The following SHANK2 variants were observed in gnomAD, a reference collection of about 807,000 sequenced individuals.
SHANK2 encodes the protein SH3 and multiple ankyrin repeat domains protein 2.
SHANK2 carries 43 observed loss-of-function variants against 133.7 expected under a neutral mutation model. The observed-to-expected ratio is 0.32, with a 90% confidence interval of 0.25 to 0.41. The LOEUF (loss-of-function observed/expected upper bound fraction) is 0.41, where lower values mean the gene tolerates loss of function less well. Ranked by LOEUF, SHANK2 falls within the 10% of genes least tolerant of loss-of-function variation. The pLI is 1.00. For synonymous variants in SHANK2, 1,017 were observed against 952.8 expected (o/e 1.07, Z -1.24); for missense variants, 1,994 against 2,235.8 (o/e 0.89, Z 2.18).
At chr11:70,537,383 T>A (rs2059558557) in intron 17 of SHANK2, among the ~76,000 whole-genome samples, 1 of 152,230 alleles carries the variant, frequency 6.6e-6, no homozygotes, top group African/African-American at 2.4e-5. Context: ...ACCCGGGATT[T>A]ATGGTGGTTT....
At chr11:70,674,049 A>T (rs183173191) in intron 15 of SHANK2, among the ~76,000 whole-genome samples, 44 of 152,108 alleles carry the variant, frequency 2.9e-4, no homozygotes, top group African/African-American at 1.0e-3. Context: ...GGGCTGAGAG[A>T]GTTCTTACTC....
intron 14 of SHANK2, among the ~76,000 whole-genome samples, chr11:70,763,062 GC>G (rs1947028744): frequency 6.6e-6 from 1 of 152,216 alleles, no homozygotes; most frequent in South Asian, 2.1e-4. Flanking sequence ...CTGCCAAGGA[GC>G]CTGATCTGAA....
chr11:70,766,103 A>G (rs1301448242), intron 14 of SHANK2, among the ~76,000 whole-genome samples: 2 of 152,190 alleles, frequency 1.3e-5, no homozygotes, highest in African/African-American at 4.8e-5. Flanking sequence ...CAGAGTGGAC[A>G]ATGTGCATGT....
intron 17 of SHANK2, among the ~76,000 whole-genome samples, chr11:70,641,891 C>T (rs1277416172): frequency 6.6e-6 from 1 of 152,224 alleles, no homozygotes; most frequent in African/African-American, 2.4e-5. Flanking sequence ...AAGCCCCTGC[C>T]CCAGCTTGCA....
chr11:70,623,319 C>T (rs777175742), intron 17 of SHANK2, among the ~76,000 whole-genome samples: 71 of 89,892 alleles, frequency 7.9e-4, no homozygotes, highest in Non-Finnish European at 1.1e-3. Flanking sequence ...CCACCTCCTC[C>T]GAGGTTGCCG....
intron 17 of SHANK2, among the ~76,000 whole-genome samples, chr11:70,552,494 T>G (rs782507912): frequency 6.6e-6 from 1 of 152,226 alleles, no homozygotes; most frequent in Admixed American, 6.5e-5. Flanking sequence ...CAGCAAGCGA[T>G]TAACTCTGCA....
At chr11:71,114,886 G>A (rs907719529) in intron 4 of SHANK2, among the ~76,000 whole-genome samples, 5 of 152,054 alleles carry the variant, frequency 3.3e-5, no homozygotes, top group African/African-American at 7.2e-5. Flanking sequence ...AAAACAATCC[G>A]CTTGGGCCCA....
intron 8 of SHANK2, among the ~76,000 whole-genome samples, chr11:71,083,596 C>G (rs1951330242): frequency 6.6e-6 from 1 of 152,026 alleles, no homozygotes; most frequent in Non-Finnish European, 1.5e-5. Flanking sequence ...GTCCCTCATC[C>G]CGAAGATACT....
chr11:71,210,210 G>GTGTATATATATATATATATA lies in SHANK2; in HGVS notation c.-13+14486_-13+14487insTATATATATATATATATACA, dbSNP rs1491563939. 4.1e-4 allele frequency among the ~76,000 whole-genome samples: 22 copies of GTGTATATATATATATATATA among 54,060 alleles called. 1 individual carries two copies. Among genetic ancestry groups the GTGTATATATATATATATATA allele is most frequent in the East Asian group, 1.1e-3 (1 of 944 alleles). 35.5% of individuals were successfully genotyped at this position (54,060 alleles called of 152,430 possible). A position where few individuals can be genotyped will look rare whatever the true frequency, so the allele number is the denominator to read the frequency against. On this transcript the variant is annotated intron_variant, in intron 2 of 25. Transcript: ENST00000601538. Reference sequence around the variant, plus strand: ...GGTCCTCTTCATTGGAAATCCACAGGTATATATATATATATATATATATAT... The same window carrying GTGTATATATATATATATATA: ...GGTCCTCTTCATTGGAAATCCACAGGTGTATATATATATATATATATATATATATATATATATATATATAT...
intron 10 of SHANK2, among the ~76,000 whole-genome samples, chr11:70,951,791 G>A (rs1409888533): frequency 6.6e-6 from 1 of 152,212 alleles, no homozygotes; most frequent in Non-Finnish European, 1.5e-5. Flanking sequence ...CTCTAGGGGA[G>A]GGTCTTTCCT....
chr11:70,824,866 A>G (rs1948614293), intron 11 of SHANK2, among the ~76,000 whole-genome samples: 1 of 152,176 alleles, frequency 6.6e-6, no homozygotes, highest in South Asian at 2.1e-4. Context: ...AGTCTCAGAG[A>G]GCGATTATCT....
intron 14 of SHANK2, among the ~76,000 whole-genome samples, chr11:70,721,988 C>A (rs1946084063): frequency 6.6e-6 from 1 of 152,234 alleles, no homozygotes; most frequent in South Asian, 2.1e-4. Context: ...TGTGAGTGCA[C>A]CTCATGTGGC....
At chr11:70,501,604 C>T (rs1380564413) in intron 20 of SHANK2, among the ~76,000 whole-genome samples, 1 of 152,232 alleles carries the variant, frequency 6.6e-6, no homozygotes, top group Non-Finnish European at 1.5e-5. Context: ...CAGGATCCTG[C>T]ATGGCCAGCA....
At chr11:71,108,660 G>C (rs1951838430) in intron 6 of SHANK2, among the ~76,000 whole-genome samples, 1 of 152,208 alleles carries the variant, frequency 6.6e-6, no homozygotes, top group African/African-American at 2.4e-5. Flanking sequence ...CCTCATGGAG[G>C]ATCGGCGCAG....
chr11:71,061,164 G>A (rs980860170), intron 9 of SHANK2, among the ~76,000 whole-genome samples: 39 of 152,342 alleles, frequency 2.6e-4, no homozygotes, highest in African/African-American at 7.5e-4. Context: ...TGCAAACTAC[G>A]GCCCTTGGGC....
At chr11:71,169,731 G>A (rs559116643) in intron 2 of SHANK2, among the ~76,000 whole-genome samples, 7 of 148,008 alleles carry the variant, frequency 4.7e-5, no homozygotes, top group African/African-American at 1.7e-4. Flanking sequence ...CTCCACCCTG[G>A]GTGAAAGAAT....
chr11:71,058,150 C>T lies in SHANK2; in HGVS notation c.1030-1592G>A, dbSNP rs971780864. ...GCTCAAGTGATCTGCCTGCCTCAGC[C>T]TCCCGAAGTGCTGGGATTACAGGCG... On this transcript the variant is annotated intron_variant, in intron 9 of 25. Transcript: ENST00000601538. 1.8e-4 allele frequency among the ~76,000 whole-genome samples: 28 copies of T among 152,284 alleles called. No homozygotes were observed. The East Asian group carries it at 5.4e-3, about 29-fold the overall frequency.
At chr11:70,884,662 GAGTGTTCCTGCTTCATAGAAC>G (rs1949709760) in intron 11 of SHANK2, among the ~76,000 whole-genome samples, 1 of 152,196 alleles carries the variant, frequency 6.6e-6, no homozygotes, top group African/African-American at 2.4e-5. Flanking sequence ...CCCCCCCACC[GAGTGTTCCTGCTTCATAGAAC>G]AGTGTTCCTG....
chr11:70,485,606 A>G lies in SHANK2; in HGVS notation c.4687T>C (p.Tyr1563His), dbSNP rs539921607. ...KPIIHKSNAL[Y>H]QDALVEEDVD... ...TCTTCTTCCACGAGCGCGTCTTGAT[A>G]AAGTGCATTGCTTTTGTGAATGATG... is the stretch of plus-strand genomic sequence containing the variant. Residue 1563 changes from tyrosine (Y) to histidine (H), a missense_variant, in exon 25 of 26, where the codon TAT (tyrosine) becomes CAT (histidine). Around this residue, in one of 5 missense-constraint regions of SHANK2, gnomAD observed 797 missense variants for 907.4 expected, o/e 0.88. Transcript: ENST00000601538. The surrounding 1 kb of genome is among the most constrained non-coding windows in gnomAD (Gnocchi z 5.8). 1.9e-6 allele frequency: 3 copies of G among 1,613,954 alleles called. No individual in the cohort carries two copies. Among genetic ancestry groups the G allele is most frequent in the African/African-American group, 1.3e-5 (1 of 75,030 alleles).
Sources: allele counts gnomAD v4.1 joint callset (sites outside exome capture counted in the v4.1 genomes callset), GRCh38; gene constraint gnomAD v4.1.1; regional missense constraint gnomAD v4.1.1; non-coding constraint Gnocchi (gnomAD v3.1); transcripts MANE v1.5; gene names NCBI Gene and HGNC (gene_info 2026-07-23, HGNC 2026-07-21).